The following RIF1 variants were observed in gnomAD, a reference collection of about 807,000 sequenced individuals.
RIF1 encodes the protein telomere-associated protein RIF1.
RIF1 carries 45 observed loss-of-function variants against 247.1 expected under a neutral mutation model. The ratio of observed to expected loss-of-function variants is 0.18; its 90% CI spans 0.14 to 0.23. The LOEUF is 0.23. Ranked by LOEUF, RIF1 falls within the 10% of genes least tolerant of loss-of-function variation. The probability of loss-of-function intolerance (pLI) is 1.00; values close to 1 mark genes in which losing one functional copy is unlikely to be tolerated. For synonymous variants in RIF1, 1,087 were observed against 978.8 expected, an observed-to-expected ratio of 1.11 and a Z score of -2.06; for missense variants, 2,967 against 2,862.5, an observed-to-expected ratio of 1.04 and a Z score of -0.83.
the RIF1 span, chr2:151,525,256 C>A: frequency 6.2e-7 from 1 of 1,612,608 alleles, no homozygotes. Flanking sequence ...CCTTGACAAA[C>A]TTCTTTTTGT....
In RIF1 at chr2:151,414,993, G is replaced by T. The variant is rs1276464469; in HGVS notation, c.280+74G>T. The T allele has an allele frequency of 7.7e-6, 7 of 910,888 alleles. No individual in the cohort carries two copies. In the East Asian group the frequency reaches 1.9e-4, roughly 24 times the overall value. 56.4% of individuals were successfully genotyped at this position (910,888 alleles called of 1,614,324 possible). A position where few individuals can be genotyped will look rare whatever the true frequency, so the allele number is the denominator to read the frequency against. On this transcript the variant is annotated intron_variant, in intron 4 of 35. Coordinates refer to ENST00000444746, the MANE Select transcript of RIF1 (RefSeq NM_018151.5). Reference sequence around the variant, plus strand: ...TTTTAAGTATAAGTAGTTTGATGCTGTTAAAAGTACTGTTATGTCTGGATT... The same window carrying T: ...TTTTAAGTATAAGTAGTTTGATGCTTTTAAAAGTACTGTTATGTCTGGATT...
chr2:151,529,885 T>A, the RIF1 span, among the ~76,000 whole-genome samples: 1 of 152,134 alleles, frequency 6.6e-6, no homozygotes, highest in Non-Finnish European at 1.5e-5. Flanking sequence ...GGAACCCTAT[T>A]CATTCAGGTT....
intron 9 of RIF1, among the ~76,000 whole-genome samples, chr2:151,487,951 CAATATGATAT>C (rs1306460153): frequency 2.6e-5 from 4 of 152,060 alleles, no homozygotes; most frequent in African/African-American, 9.7e-5. Context: ...GAATATGATA[CAATATGATAT>C]TTGATTCAAT....
intron 10 of RIF1, among the ~76,000 whole-genome samples, chr2:151,433,939 A>T (rs1690659736): frequency 6.6e-6 from 1 of 151,934 alleles, no homozygotes; most frequent in Non-Finnish European, 1.5e-5. Context: ...TGGGAGGCAG[A>T]GGCAGGTGGG....
chr2:151,498,095 A>C, intron 10 of RIF1: 1 of 1,473,236 alleles, frequency 6.8e-7, no homozygotes, highest in Non-Finnish European at 9.0e-7. Flanking sequence ...GAAGTAAAAA[A>C]TTGACATTAA....
chr2:151,497,133 C>A, intron 10 of RIF1: 1 of 1,414,518 alleles, frequency 7.1e-7, no homozygotes, highest in Non-Finnish European at 9.6e-7. Context: ...AGACAAAACA[C>A]AGTTGTCCAA....
the RIF1 span, chr2:151,533,613 AT>A: frequency 2.0e-6 from 2 of 992,956 alleles, no homozygotes; most frequent in South Asian, 2.8e-5. Flanking sequence ...ACGGCTCTAT[AT>A]CCCAATCACC....
At chr2:151,424,762 A>T (rs1247569549) in intron 8 of RIF1, among the ~76,000 whole-genome samples, 1 of 148,382 alleles carries the variant, frequency 6.7e-6, no homozygotes, top group Non-Finnish European at 1.5e-5. Flanking sequence ...TCTGTCTCCC[A>T]GTCTCAAACC....
rs981455495 is a variant in RIF1, at chr2:151,416,667, C to T, written c.387C>T (p.Pro129=). ...GGGTGATATCTAAGCAGACATTTCC[C>T]TCTGAAGTGGTTGGCAAAATGGTGA... ...ALWVISKQTF[P]SEVVGKMVSS... The change falls in exon 5 of 36, where the codon CCC becomes CCT. Residue 129 remains proline (P), a synonymous_variant. Transcript: ENST00000444746. The T allele has an allele frequency of 1.2e-6, 2 of 1,612,706 alleles. No individual in the cohort carries two copies. The highest frequency in any genetic ancestry group is 1.7e-6 in the Non-Finnish European group (2 of 1,179,708).
intron 3 of RIF1, 101 bp downstream of exon 3, chr2:151,411,439 C>T (rs1686199390): frequency 1.4e-6 from 1 of 714,736 alleles, no homozygotes; most frequent in East Asian, 2.7e-5. Flanking sequence ...TCTTGTTGCC[C>T]AGGCGAGAGT....
rs1383077640 is a variant in RIF1 at position 151,476,350 on chromosome 2, A to G, written c.*1279A>G. ...AGGTATGTAATTAAAACCTTTGTAA[A>G]ATTTGCCAACTAATATTAGTGCCTG... On this transcript the variant is annotated 3_prime_UTR_variant, in exon 36 of 36. Transcript: ENST00000444746. The G allele has an allele frequency of 6.6e-6, 1 of 152,076 alleles. No homozygotes were observed. The highest frequency in any genetic ancestry group is 1.5e-5 in the Non-Finnish European group (1 of 67,976). The allele number at this position is 152,076 out of a possible 1,614,324, so 9.4% of individuals were successfully genotyped here. A position where few individuals can be genotyped will look rare whatever the true frequency, so the allele number is the denominator to read the frequency against.
rs1256583208 is a variant in RIF1, at chr2:151,416,678, T to C, written c.398T>C (p.Val133Ala). The part of the protein sequence containing the change: ...ISKQTFPSEV[V>A]GKMVSSIIDS... ...AAGCAGACATTTCCCTCTGAAGTGGTTGGCAAAATGGTGAGTATAGTTTTT... is the reference window on the plus strand; with the variant it reads ...AAGCAGACATTTCCCTCTGAAGTGGCTGGCAAAATGGTGAGTATAGTTTTT... Residue 133 changes from valine to alanine, a missense_variant, in exon 5 of 36, where the codon GTT becomes GCT. Around this residue, in one of 7 missense-constraint regions of RIF1, gnomAD observed 269 missense variants for 288.6 expected, o/e 0.93. Coordinates refer to ENST00000444746, the MANE Select transcript of RIF1 (RefSeq NM_018151.5). 36 of 1,612,472 alleles carry C rather than the reference T, an allele frequency of 2.2e-5. No homozygotes were observed. The East Asian group carries it at 7.1e-4, about 32-fold the overall frequency.
intron 9 of RIF1, among the ~76,000 whole-genome samples, chr2:151,430,718 C>T (rs896578586): frequency 6.6e-6 from 1 of 150,700 alleles, no homozygotes; most frequent in Non-Finnish European, 1.5e-5. Context: ...GACTGGAGTG[C>T]AGTGGCTGAC....
the RIF1 span, among the ~76,000 whole-genome samples, chr2:151,523,223 T>C: frequency 3.3e-5 from 5 of 152,348 alleles, no homozygotes; most frequent in Middle Eastern, 3.4e-3. Flanking sequence ...CAAATACTTA[T>C]ACAATTCCAT....
At chr2:151,498,666 A>G (rs2062054188) in intron 10 of RIF1, among the ~76,000 whole-genome samples, 1 of 152,242 alleles carries the variant, frequency 6.6e-6, no homozygotes, top group Non-Finnish European at 1.5e-5. Flanking sequence ...AAGGAGGGAA[A>G]AAAGTAGAAA....
At chr2:151,438,654 TA>T (rs911825896) in intron 13 of RIF1, 29 bp from the exon 14 acceptor site, 7 of 1,518,648 alleles carry the variant, frequency 4.6e-6, no homozygotes, top group Non-Finnish European at 6.4e-6. Context: ...GTACTTCATT[TA>T]AAATACTCAA....
At chr2:151,470,315 T>C (rs1697600115) in intron 34 of RIF1, among the ~76,000 whole-genome samples, 1 of 152,108 alleles carries the variant, frequency 6.6e-6, no homozygotes, top group Non-Finnish European at 1.5e-5. Flanking sequence ...ATATAGAAAA[T>C]TTTGTATATA....
chr2:151,502,708 G>C, intron 11 of RIF1: 1 of 772,686 alleles, frequency 1.3e-6, no homozygotes, highest in Non-Finnish European at 2.2e-6. Context: ...TTCATTATAT[G>C]AATTTAGTAA....
At chr2:151,506,758 G>T (rs2069333069) in intron 13 of RIF1, 1 of 598,562 alleles carries the variant, frequency 1.7e-6, no homozygotes. Flanking sequence ...TGATTTTGGA[G>T]CAAAGTATTG....
Sources: gnomAD v4.1 joint callset for allele counts (sites outside exome capture counted in the v4.1 genomes callset) on GRCh38, gnomAD v4.1.1 for gene constraint, gnomAD v4.1.1 regional missense constraint, MANE v1.5 for transcripts, NCBI Gene and HGNC (gene_info 2026-07-23, HGNC 2026-07-21) for gene names.